The following CCDC85A variants were observed in gnomAD, a reference collection of about 807,000 sequenced individuals.
CCDC85A encodes the protein coiled-coil domain-containing protein 85A.
CCDC85A carries 38 observed loss-of-function variants against 50.2 expected under a neutral mutation model. The ratio of observed to expected loss-of-function variants is 0.76; its 90% CI spans 0.58 to 0.99. The LOEUF is 0.99. Among genes scored for constraint, CCDC85A ranks in the 50% least tolerant of loss-of-function variants. CCDC85A has a pLI of 0.00. For synonymous variants in CCDC85A, 366 were observed against 301.4 expected (o/e 1.21, Z -2.22); for missense variants, 820 against 742.0 (o/e 1.11, Z -1.22).
intron 2 of CCDC85A, among the ~76,000 whole-genome samples, chr2:56,234,754 T>C (rs1267031450): frequency 6.6e-6 from 1 of 152,184 alleles, no homozygotes; most frequent in Non-Finnish European, 1.5e-5. Flanking sequence ...TACTCCTTGA[T>C]TATGTATTCA....
intron 2 of CCDC85A, among the ~76,000 whole-genome samples, chr2:56,303,725 A>G (rs945528666): frequency 1.3e-5 from 2 of 152,222 alleles, no homozygotes; most frequent in Non-Finnish European, 2.9e-5. Flanking sequence ...AATTGAGAGT[A>G]GAAAATTACC....
chr2:56,352,734 G>A (rs1675017772), intron 3 of CCDC85A, among the ~76,000 whole-genome samples: 1 of 152,214 alleles, frequency 6.6e-6, no homozygotes, highest in Admixed American at 6.5e-5. Flanking sequence ...CTGAGACATA[G>A]CAGTGACTTT....
chr2:56,367,960 T>TGC (rs1675885240), intron 3 of CCDC85A, among the ~76,000 whole-genome samples: 1 of 151,066 alleles, frequency 6.6e-6, no homozygotes, highest in Non-Finnish European at 1.5e-5. Context: ...AAAGGCCATA[T>TGC]AGCTTGTCCA....
intron 2 of CCDC85A, among the ~76,000 whole-genome samples, chr2:56,245,363 T>A (rs1573091488): frequency 6.6e-6 from 1 of 152,222 alleles, no homozygotes; most frequent in Non-Finnish European, 1.5e-5. Context: ...TGCAGTTGCC[T>A]GCTCTACCTC....
intron 1 of CCDC85A, among the ~76,000 whole-genome samples, chr2:56,189,295 G>GTATTTTT (rs773078371): frequency 1.5e-4 from 15 of 100,450 alleles, no homozygotes; most frequent in African/African-American, 2.2e-4. Flanking sequence ...GGTATTTTTG[G>GTATTTTT]TGTTTTTTTT....
intron 3 of CCDC85A, among the ~76,000 whole-genome samples, chr2:56,366,966 T>C (rs923477589): frequency 6.6e-6 from 1 of 152,210 alleles, no homozygotes; most frequent in African/African-American, 2.4e-5. Flanking sequence ...CACTGAGATG[T>C]GTTTCATGTG....
Position 56,193,375 on chromosome 2 carries a change from C to T in CCDC85A, c.1175C>T (p.Thr392Ile), listed in dbSNP as rs2103828045. 1 of 1,611,162 alleles carries T rather than the reference C, an allele frequency of 6.2e-7. No individual in the cohort carries two copies. Among genetic ancestry groups the T allele is most frequent in the East Asian group, 2.2e-5 (1 of 44,774 alleles). The change falls in exon 2 of 6, where the codon ACC becomes ATC. Residue 392 changes from threonine to isoleucine, a missense_variant. Thr to Ile is a moderately conservative substitution (Grantham distance 89, BLOSUM62 -1). Coordinates refer to ENST00000407595, the MANE Select transcript of CCDC85A (RefSeq NM_001080433.2). The part of the protein sequence containing the change: ...GGSGGGSREG[T>I]LRRQAQEDGS... ...AGCGGCGGAGGCAGCAGGGAGGGCA[C>T]CCTCAGACGGCAGGCACAGGAGGAC...
At chr2:56,358,969 T>TTTA (rs1675384110) in intron 3 of CCDC85A, among the ~76,000 whole-genome samples, 1 of 146,042 alleles carries the variant, frequency 6.8e-6, no homozygotes, top group Non-Finnish European at 1.5e-5. Context: ...GTATTTTTTT[T>TTTA]TTTTTTTTTT....
intron 3 of CCDC85A, among the ~76,000 whole-genome samples, chr2:56,367,418 T>C (rs1362045765): frequency 2.6e-5 from 4 of 152,182 alleles, no homozygotes; most frequent in Admixed American, 6.6e-5. Flanking sequence ...GTGGGCAACA[T>C]GTCCTCATAT....
At chr2:56,296,699 C>T (rs1250524163) in intron 2 of CCDC85A, among the ~76,000 whole-genome samples, 1 of 152,124 alleles carries the variant, frequency 6.6e-6, no homozygotes, top group East Asian at 1.9e-4. Context: ...AGGGAAGGAA[C>T]AGTTTACTTT....
At chr2:56,359,149 T>C (rs1330383472) in intron 3 of CCDC85A, among the ~76,000 whole-genome samples, 2 of 152,176 alleles carry the variant, frequency 1.3e-5, no homozygotes, top group Non-Finnish European at 1.5e-5. Flanking sequence ...TTGCTACTTA[T>C]TTTTGCATTA....
chr2:56,247,438 T>A (rs1272943654), intron 2 of CCDC85A, among the ~76,000 whole-genome samples: 1 of 152,210 alleles, frequency 6.6e-6, no homozygotes, highest in East Asian at 1.9e-4. Flanking sequence ...ATCATGCAAC[T>A]GGCACTTTTC....
chr2:56,354,273 A>G (rs1675111730), intron 3 of CCDC85A, among the ~76,000 whole-genome samples: 1 of 152,220 alleles, frequency 6.6e-6, no homozygotes, highest in Non-Finnish European at 1.5e-5. Flanking sequence ...CAGTTCTGAG[A>G]CTGGCCAAAA....
chr2:56,219,397 T>A (rs188321891), intron 2 of CCDC85A, among the ~76,000 whole-genome samples: 109 of 151,716 alleles, frequency 7.2e-4, no homozygotes, highest in African/African-American at 2.5e-3. Flanking sequence ...ATCTTGCATT[T>A]TAAAGTCAGT....
At chr2:56,336,399 C>T (rs1674077363) in intron 2 of CCDC85A, among the ~76,000 whole-genome samples, 1 of 152,154 alleles carries the variant, frequency 6.6e-6, no homozygotes, top group South Asian at 2.1e-4. Flanking sequence ...GGTGATCTGC[C>T]TGCCTTGGCC....
chr2:56,352,060 A>C (rs1390748451), intron 3 of CCDC85A, among the ~76,000 whole-genome samples: 1 of 152,138 alleles, frequency 6.6e-6, no homozygotes, highest in African/African-American at 2.4e-5. Flanking sequence ...CAGTTCCTAC[A>C]AGGAGATTTA....
chr2:56,255,273 A>G (rs1669932825), intron 2 of CCDC85A, among the ~76,000 whole-genome samples: 1 of 152,208 alleles, frequency 6.6e-6, no homozygotes, highest in South Asian at 2.1e-4. Context: ...TGGAAGAAAT[A>G]AAGCATATCA....
At chr2:56,258,623 G>A (rs1480546906) in intron 2 of CCDC85A, among the ~76,000 whole-genome samples, 2 of 152,214 alleles carry the variant, frequency 1.3e-5, no homozygotes, top group South Asian at 2.1e-4. Flanking sequence ...TCTAGGACAG[G>A]AGAGACCGGA....
At chr2:56,243,015 G>C (rs1669334509) in intron 2 of CCDC85A, among the ~76,000 whole-genome samples, 1 of 151,934 alleles carries the variant, frequency 6.6e-6, no homozygotes, top group African/African-American at 2.4e-5. Flanking sequence ...TGAAAAGACT[G>C]TCCTTTCTGT....
Sources: gnomAD v4.1 joint callset for allele counts (sites outside exome capture counted in the v4.1 genomes callset) on GRCh38, gnomAD v4.1.1 for gene constraint, MANE v1.5 for transcripts, NCBI Gene and HGNC (gene_info 2026-07-23, HGNC 2026-07-21) for gene names.